The following NDC1 variants were observed in gnomAD, a reference collection of about 807,000 sequenced individuals.
NDC1 encodes nucleoporin NDC1.
NDC1 carries 24 observed loss-of-function variants against 89.8 expected under a neutral mutation model. The ratio of observed to expected loss-of-function variants is 0.27; its 90% confidence interval spans 0.19 to 0.38. NDC1 has a LOEUF of 0.38. Ranked by LOEUF, NDC1 falls within the 10% of genes least tolerant of loss-of-function variation. NDC1 has a pLI of 1.00. For missense variants in NDC1, 728 were observed against 797.6 expected (o/e 0.91, Z 1.05); for synonymous variants, 296 against 284.8 (o/e 1.04, Z -0.39).
chr1:53,786,251 C>T (rs1647305938), intron 16 of NDC1, among the ~76,000 whole-genome samples: 1 of 152,098 alleles, frequency 6.6e-6, no homozygotes, highest in Non-Finnish European at 1.5e-5. Flanking sequence ...TAAATGCCTC[C>T]AGCCCTTAGT....
intron 14 of NDC1, among the ~76,000 whole-genome samples, chr1:53,792,036 G>A (rs991606871): frequency 4.0e-5 from 6 of 151,138 alleles, no homozygotes; most frequent in African/African-American, 7.3e-5. Flanking sequence ...TCCGCCTCCC[G>A]GGTTCATGCC....
chr1:53,817,147 T>C (rs948122134), intron 6 of NDC1, among the ~76,000 whole-genome samples: 18 of 152,250 alleles, frequency 1.2e-4, no homozygotes, highest in African/African-American at 4.1e-4. Flanking sequence ...GCGTATCTAC[T>C]CAGAGGAAAA....
chr1:53,829,178 C>T (rs1002802197), intron 3 of NDC1, among the ~76,000 whole-genome samples: 4 of 152,100 alleles, frequency 2.6e-5, no homozygotes, highest in African/African-American at 7.2e-5. Context: ...AGGTATTTTG[C>T]TCTTACTATA....
intron 15 of NDC1, among the ~76,000 whole-genome samples, chr1:53,787,950 T>G (rs1445340922): frequency 6.6e-6 from 1 of 150,824 alleles, no homozygotes; most frequent in African/African-American, 2.4e-5. Flanking sequence ...ATTTAAGCAC[T>G]GAGACGGCTG....
chr1:53,790,651 G>A (rs57861597), intron 14 of NDC1, among the ~76,000 whole-genome samples: 17,781 of 151,984 alleles, frequency 0.12, 1,166 homozygotes, highest in Non-Finnish European at 0.15. Context: ...AGGTTGCAGT[G>A]AGTCGAGATC....
At chr1:53,770,968 T>A (rs1055750444) in intron 17 of NDC1, 1 of 152,324 alleles carries the variant, frequency 6.6e-6, no homozygotes, top group Non-Finnish European at 1.5e-5. Context: ...ATCGCTTTCT[T>A]ATCTAAATCC....
chr1:53,805,373 A>C (rs1490050890), intron 9 of NDC1, among the ~76,000 whole-genome samples: 1 of 152,004 alleles, frequency 6.6e-6, no homozygotes, highest in Non-Finnish European at 1.5e-5. Context: ...CATTCAACTA[A>C]TTTTTAAATT....
At chr1:53,775,857 T>C (rs1331147655) in intron 16 of NDC1, among the ~76,000 whole-genome samples, 1 of 152,310 alleles carries the variant, frequency 6.6e-6, no homozygotes, top group African/African-American at 2.4e-5. Context: ...CCACATATAT[T>C]TCCTTGCTCT....
Position 53,793,193 on chromosome 1 carries a change from C to T in NDC1, c.1635+36G>A, listed in dbSNP as rs1647579219. 4.0e-6 allele frequency: 6 copies of T among 1,504,508 alleles called. No individual in the cohort carries two copies. The East Asian group carries it at 6.7e-5, about 17-fold the overall frequency. The allele number at this position is 1,504,508 out of a possible 1,614,324, so 93.2% of individuals were successfully genotyped here. A position where few individuals can be genotyped will look rare whatever the true frequency, so the allele number is the denominator to read the frequency against. On this transcript the variant is annotated intron_variant, in intron 14 of 17. Coordinates refer to ENST00000371429, the MANE Select transcript of NDC1 (RefSeq NM_018087.5). ...CTTTATTTCATATTTCATTTCCTCCCTCCCCATTCCCAACGCTATAACCAC... is the reference window on the plus strand; with the variant it reads ...CTTTATTTCATATTTCATTTCCTCCTTCCCCATTCCCAACGCTATAACCAC...
chr1:53,810,981 C>G (rs1302014711), intron 6 of NDC1, among the ~76,000 whole-genome samples: 6 of 152,138 alleles, frequency 3.9e-5, no homozygotes, highest in Admixed American at 3.3e-4. Flanking sequence ...AAAGGAAGAC[C>G]CTCCTCTTCT....
intron 10 of NDC1, among the ~76,000 whole-genome samples, chr1:53,801,125 T>C (rs1340985977): frequency 1.3e-5 from 2 of 148,622 alleles, no homozygotes; most frequent in African/African-American, 4.9e-5. Context: ...CTCAAATTGG[T>C]CGCTAAAATA....
At chr1:53,791,461 T>C (rs978932991) in intron 14 of NDC1, among the ~76,000 whole-genome samples, 2 of 151,384 alleles carry the variant, frequency 1.3e-5, no homozygotes, top group East Asian at 3.9e-4. Flanking sequence ...AAGATTATGA[T>C]GTCCAATTCT....
rs540684577 is a variant in NDC1, at chr1:53,777,029, G to A, written c.1801-4540C>T. On this transcript the variant is annotated intron_variant, in intron 16 of 17. Transcript: ENST00000371429. Reference sequence around the variant, plus strand: ...TAATTGCAAGAGAATAAATTTTGTTGAATTTTTTTTTTTTTAGAGACAGGG... The same window carrying A: ...TAATTGCAAGAGAATAAATTTTGTTAAATTTTTTTTTTTTTAGAGACAGGG... Among the ~76,000 whole-genome samples the A allele has an allele frequency of 4.3e-5, 6 of 140,068 alleles. No individual in the cohort carries two copies. In the East Asian group the frequency reaches 7.9e-4, roughly 18 times the overall value. The allele number at this position is 140,068 out of a possible 152,430, so 91.9% of individuals were successfully genotyped here. A position where few individuals can be genotyped will look rare whatever the true frequency, so the allele number is the denominator to read the frequency against.
chr1:53,809,805 A>G, intron 6 of NDC1, 59 bp from the exon 7 acceptor site: 1 of 1,350,954 alleles, frequency 7.4e-7, no homozygotes, highest in South Asian at 1.2e-5. Flanking sequence ...GTTTTAGTCA[A>G]GCTTTAGAAT....
chr1:53,781,007 T>C (rs1233454080), intron 16 of NDC1, among the ~76,000 whole-genome samples: 1 of 151,902 alleles, frequency 6.6e-6, no homozygotes, highest in African/African-American at 2.4e-5. Context: ...GCTAGCATCA[T>C]CACACCTGGC....
intron 6 of NDC1, among the ~76,000 whole-genome samples, chr1:53,812,017 G>T (rs1435525204): frequency 2.6e-5 from 4 of 152,134 alleles, no homozygotes; most frequent in African/African-American, 9.7e-5. Flanking sequence ...AACAATCACT[G>T]CAGTTCGGCT....
At chr1:53,798,344 A>G (rs567268419) in intron 11 of NDC1, among the ~76,000 whole-genome samples, 208 of 150,532 alleles carry the variant, frequency 1.4e-3, no homozygotes, top group African/African-American at 4.7e-3. Flanking sequence ...TAATTTTTGT[A>G]TTTTTAGTAG....
chr1:53,822,878 C>T (rs970209846), intron 5 of NDC1, among the ~76,000 whole-genome samples: 1 of 152,142 alleles, frequency 6.6e-6, no homozygotes, highest in Non-Finnish European at 1.5e-5. Flanking sequence ...ATCATCACAT[C>T]GCGCTCTATA....
chr1:53,806,437 G>A lies in NDC1; in HGVS notation c.972C>T (p.Pro324=). 2 of 1,536,972 alleles carry A rather than the reference G, an allele frequency of 1.3e-6. No individual in the cohort carries two copies. The highest frequency in any genetic ancestry group is 2.5e-5 in the East Asian group (1 of 40,636). Residue 324 remains proline, a synonymous_variant, in exon 9 of 18, where the codon CCC becomes CCT. Transcript: ENST00000371429. ...ACAGTTTGGATACCTTTATGATGGG[G>A]GGAGGATTGCTATTTAACACTTTTG... The part of the protein sequence containing the change: ...CLPKVLNSNP[P]PIIKYLALQD...
Sources: gnomAD v4.1 joint callset for allele counts (sites outside exome capture counted in the v4.1 genomes callset) on GRCh38, gnomAD v4.1.1 for gene constraint, MANE v1.5 for transcripts, NCBI Gene and HGNC (gene_info 2026-07-23, HGNC 2026-07-21) for gene names.